Variants in DLGAP1 observed in about 807,000 individuals in gnomAD.
DLGAP1 encodes DLG associated protein 1, also known as disks large-associated protein 1.
A neutral mutation model predicts 90.8 loss-of-function variants in DLGAP1; 11 were observed. The ratio of observed to expected loss-of-function variants is 0.12; its 90% CI spans 0.08 to 0.20. DLGAP1 has a LOEUF of 0.20. Among genes scored for constraint, DLGAP1 ranks in the 10% least tolerant of loss-of-function variants. The probability of loss-of-function intolerance (pLI) is 1.00; values close to 1 mark genes in which losing one functional copy is unlikely to be tolerated. For missense variants in DLGAP1, 1,050 were observed against 1,333.8 expected (o/e 0.79, Z 3.31); for synonymous variants, 558 against 540.7 (o/e 1.03, Z -0.44).
At chr18:4,417,554 G>T (rs2082927136) in intron 1 of DLGAP1, among the ~76,000 whole-genome samples, 1 of 152,024 alleles carries the variant, frequency 6.6e-6, no homozygotes, top group African/African-American at 2.4e-5. Context: ...AAGAAAGCTG[G>T]GAAGAGATCT....
intron 1 of DLGAP1, among the ~76,000 whole-genome samples, chr18:4,346,832 G>A (rs1455806842): frequency 1.3e-5 from 2 of 152,020 alleles, no homozygotes; most frequent in Non-Finnish European, 2.9e-5. Flanking sequence ...ATAAATAATT[G>A]CATATAGGAG....
chr18:3,557,806 A>G (rs1315612310), intron 9 of DLGAP1, among the ~76,000 whole-genome samples: 21 of 152,084 alleles, frequency 1.4e-4, no homozygotes. Context: ...GGGTGCCTAT[A>G]ATCACAGCTA....
chr18:4,137,070 G>T (rs1041640299), intron 2 of DLGAP1, among the ~76,000 whole-genome samples: 7 of 151,948 alleles, frequency 4.6e-5, no homozygotes, highest in Non-Finnish European at 7.4e-5. Flanking sequence ...TCCACAACAG[G>T]CCCCAGTGTG....
chr18:3,871,768 G>A (rs2070761511), intron 4 of DLGAP1, among the ~76,000 whole-genome samples: 1 of 152,114 alleles, frequency 6.6e-6, no homozygotes, highest in Non-Finnish European at 1.5e-5. Flanking sequence ...CTCTTAAAAT[G>A]GATCTGAGTT....
Position 3,932,550 on chromosome 18 carries a change from G to A in DLGAP1, c.-72-52410C>T, listed in dbSNP as rs77605991. ...CAAATCTACCTCCTGTGCTTCCCACGTGGCCAAAGGGGGTGTGGCTGACAA... is the reference window on the plus strand; with the variant it reads ...CAAATCTACCTCCTGTGCTTCCCACATGGCCAAAGGGGGTGTGGCTGACAA... On this transcript the variant is annotated intron_variant, in intron 3 of 12. Coordinates refer to ENST00000315677, the MANE Select transcript of DLGAP1 (RefSeq NM_004746.4). 2.3e-3 allele frequency among the ~76,000 whole-genome samples: 346 copies of A among 152,254 alleles called. 2 individuals are homozygous for A. Among genetic ancestry groups the A allele is most frequent in the African/African-American group, 8.0e-3 (331 of 41,544 alleles).
At chr18:4,281,151 T>C (rs930948462) in intron 1 of DLGAP1, among the ~76,000 whole-genome samples, 1 of 152,242 alleles carries the variant, frequency 6.6e-6, no homozygotes. Context: ...TATATGTATT[T>C]TACGTCAATG....
chr18:4,359,879 G>T (rs2081596305), intron 1 of DLGAP1, among the ~76,000 whole-genome samples: 1 of 152,190 alleles, frequency 6.6e-6, no homozygotes. Context: ...TTGAAAGTTG[G>T]AGGGAAGCAA....
intron 7 of DLGAP1, among the ~76,000 whole-genome samples, chr18:3,672,786 G>C (rs2060146649): frequency 6.6e-6 from 1 of 151,818 alleles, no homozygotes; most frequent in Non-Finnish European, 1.5e-5. Context: ...CCGGCATCAA[G>C]GCAGACTAGC....
Position 4,455,222 on chromosome 18 carries a change from G to T in DLGAP1, c.-483C>A, listed in dbSNP as rs1475339388. 1.3e-5 allele frequency: 2 copies of T among 151,666 alleles called. No homozygotes were observed. The highest frequency in any genetic ancestry group is 2.9e-5 in the Non-Finnish European group (2 of 67,952). 9.4% of individuals were successfully genotyped at this position (151,666 alleles called of 1,614,324 possible). On this transcript the variant is annotated 5_prime_UTR_variant, in exon 1 of 13. Transcript: ENST00000315677. ...GGTGTCCGCGAGGCCGTGTCCTGGA[G>T]ATTGCGGCGCCCGAAGCGCAGCGCT...
intron 2 of DLGAP1, among the ~76,000 whole-genome samples, chr18:4,078,180 C>G (rs542496497): frequency 6.6e-6 from 1 of 152,288 alleles, no homozygotes; most frequent in East Asian, 1.9e-4. Flanking sequence ...TCTTTACTAT[C>G]TTCATACATA....
rs543077940 is a variant in DLGAP1, at chr18:3,526,793, G to A, written c.2479+7401C>T. On this transcript the variant is annotated intron_variant, in intron 10 of 12. Coordinates refer to ENST00000315677, the MANE Select transcript of DLGAP1 (RefSeq NM_004746.4). The surrounding 1 kb of genome is among the most constrained non-coding windows in gnomAD (Gnocchi z 4.7). The stretch of plus-strand genomic sequence containing the variant: ...GTTAGATAATACCAGACGTATCTAT[G>A]TAACATACAAGCCACTGTCAAATAG... 2.0e-5 allele frequency among the ~76,000 whole-genome samples: 3 copies of A among 152,260 alleles called. No homozygotes were observed. Among genetic ancestry groups the A allele is most frequent in the African/African-American group, 2.4e-5 (1 of 41,550 alleles).
At chr18:4,397,271 A>C (rs2082460853) in intron 1 of DLGAP1, among the ~76,000 whole-genome samples, 2 of 152,242 alleles carry the variant, frequency 1.3e-5, no homozygotes, top group African/African-American at 4.8e-5. Context: ...TAACTATGTC[A>C]TTAGAAGGCT....
At chr18:4,155,165 GT>G (rs2076735540) in intron 1 of DLGAP1, among the ~76,000 whole-genome samples, 1 of 152,060 alleles carries the variant, frequency 6.6e-6, no homozygotes, top group Non-Finnish European at 1.5e-5. Flanking sequence ...GGACTGCAGG[GT>G]TATAGTGCTA....
chr18:3,748,800 A>G (rs1283249067), intron 5 of DLGAP1, among the ~76,000 whole-genome samples: 1 of 152,204 alleles, frequency 6.6e-6, no homozygotes, highest in Non-Finnish European at 1.5e-5. Flanking sequence ...AGGGAATCAA[A>G]CACAGGGCAT....
intron 3 of DLGAP1, among the ~76,000 whole-genome samples, chr18:4,002,857 T>C (rs1386675493): frequency 6.6e-6 from 1 of 152,188 alleles, no homozygotes; most frequent in African/African-American, 2.4e-5. Flanking sequence ...CAGGGATCTA[T>C]TGATGTCTTT....
At chr18:3,625,175 A>C (rs2146088430) in intron 7 of DLGAP1, among the ~76,000 whole-genome samples, 1 of 152,344 alleles carries the variant, frequency 6.6e-6, no homozygotes, top group South Asian at 2.1e-4. Flanking sequence ...CCTAGTCATT[A>C]AATGCCCAGT....
intron 1 of DLGAP1, among the ~76,000 whole-genome samples, chr18:4,243,202 T>G: frequency 6.6e-6 from 1 of 152,202 alleles, no homozygotes. Context: ...AATTTCCCCA[T>G]CTGTAAAATC....
intron 7 of DLGAP1, among the ~76,000 whole-genome samples, chr18:3,605,354 G>A (rs892595236): frequency 2.6e-5 from 4 of 152,288 alleles, no homozygotes; most frequent in Middle Eastern, 3.4e-3. Flanking sequence ...TTTTAATCAG[G>A]CAGAGCACTT....
At chr18:4,209,268 T>C (rs1028455397) in intron 1 of DLGAP1, among the ~76,000 whole-genome samples, 1 of 152,094 alleles carries the variant, frequency 6.6e-6, no homozygotes, top group African/African-American at 2.4e-5. Context: ...CCAGGAAGAC[T>C]GAACTGGAGC....
Sources: allele counts gnomAD v4.1 joint callset (sites outside exome capture counted in the v4.1 genomes callset), GRCh38; gene constraint gnomAD v4.1.1; non-coding constraint Gnocchi (gnomAD v3.1); transcripts MANE v1.5; gene names NCBI Gene and HGNC (gene_info 2026-07-23, HGNC 2026-07-21).